Variants in TRDN observed in about 807,000 individuals in gnomAD.
TRDN encodes the protein triadin in skeletal muscle.
In TRDN, 161 loss-of-function variants were observed where a neutral mutation model predicts 149.7. The ratio of observed to expected loss-of-function variants is 1.08; its 90% CI spans 0.95 to 1.23. The LOEUF (loss-of-function observed/expected upper bound fraction) is 1.23. Among genes scored for constraint, TRDN ranks in the 50% most tolerant of loss-of-function variants. TRDN has a pLI of 0.00. For synonymous variants in TRDN, 294 were observed against 250.5 expected, an observed-to-expected ratio of 1.17 and a Z score of -1.64; for missense variants, 896 against 823.5, an observed-to-expected ratio of 1.09 and a Z score of -1.08.
At chr6:123,599,755 A>T (rs1784197367) in intron 1 of TRDN, among the ~76,000 whole-genome samples, 1 of 151,952 alleles carries the variant, frequency 6.6e-6, no homozygotes, top group Admixed American at 6.6e-5. Flanking sequence ...AAATCTTTTT[A>T]GTATTATGCA....
chr6:123,344,600 T>G (rs1780186963), intron 21 of TRDN, among the ~76,000 whole-genome samples: 1 of 152,090 alleles, frequency 6.6e-6, no homozygotes, highest in African/African-American at 2.4e-5. Flanking sequence ...TTTTTATGGC[T>G]TGACAGCTCA....
rs191983653 is a variant in TRDN, at chr6:123,239,443, G to A, written c.1975+12969C>T. 3.6e-3 allele frequency among the ~76,000 whole-genome samples: 547 copies of A among 152,154 alleles called. 4 individuals are homozygous for A. Among genetic ancestry groups the A allele is most frequent in the African/African-American group, 0.013 (524 of 41,538 alleles). On this transcript the variant is annotated intron_variant, in intron 38 of 40. Transcript: ENST00000334268. ...TATAGAATTGTGCTTTCAACCATTAGCAAAGACACAATCTTCTCAATCATA... is the reference window on the plus strand; with the variant it reads ...TATAGAATTGTGCTTTCAACCATTAACAAAGACACAATCTTCTCAATCATA...
intron 38 of TRDN, among the ~76,000 whole-genome samples, chr6:123,233,358 A>C (rs1456991711): frequency 1.3e-5 from 2 of 152,098 alleles, no homozygotes; most frequent in African/African-American, 4.8e-5. Flanking sequence ...AGATTCTTAA[A>C]ATTGACTCTA....
chr6:123,485,268 C>A (rs1025733843), intron 9 of TRDN, among the ~76,000 whole-genome samples: 9 of 152,168 alleles, frequency 5.9e-5, no homozygotes, highest in African/African-American at 2.2e-4. Flanking sequence ...GCTTCTGTCT[C>A]TAGAGATATA....
chr6:123,544,737 GAACT>G (rs1249302751), intron 4 of TRDN, among the ~76,000 whole-genome samples: 2 of 151,944 alleles, frequency 1.3e-5, no homozygotes, highest in Admixed American at 1.3e-4. Context: ...TTTAGTAATA[GAACT>G]TAGTATTTTA....
chr6:123,295,187 T>C (rs1168159834), intron 24 of TRDN, among the ~76,000 whole-genome samples: 1 of 152,148 alleles, frequency 6.6e-6, no homozygotes, highest in Non-Finnish European at 1.5e-5. Flanking sequence ...CAGGAGTTAC[T>C]GCCCCCTTCC....
intron 38 of TRDN, among the ~76,000 whole-genome samples, chr6:123,241,108 CATT>C (rs899403424): frequency 2.6e-5 from 4 of 151,772 alleles, no homozygotes; most frequent in Admixed American, 2.0e-4. Flanking sequence ...TTAATAGTAA[CATT>C]ATTATTTGAC....
intron 24 of TRDN, among the ~76,000 whole-genome samples, chr6:123,312,158 T>C (rs1038176874): frequency 3.9e-5 from 6 of 151,962 alleles, no homozygotes; most frequent in Non-Finnish European, 8.8e-5. Flanking sequence ...GAAGCATTGC[T>C]TCAGTAAAGT....
chr6:123,520,175 A>T (rs1362166880), intron 5 of TRDN, among the ~76,000 whole-genome samples: 4 of 152,154 alleles, frequency 2.6e-5, no homozygotes, highest in African/African-American at 9.6e-5. Flanking sequence ...TTTTTAAGAG[A>T]AAATCATGAA....
At chr6:123,620,471 T>C (rs1785325490) in intron 1 of TRDN, among the ~76,000 whole-genome samples, 1 of 152,160 alleles carries the variant, frequency 6.6e-6, no homozygotes, top group Admixed American at 6.6e-5. Context: ...CATTCATACA[T>C]TTTGACCCAA....
rs573492944 is a variant in TRDN at position 123,565,916 on chromosome 6, C to T, written c.232+5007G>A. Among the ~76,000 whole-genome samples, 322 of 152,248 alleles carry T rather than the reference C, an allele frequency of 2.1e-3. 1 individual carries two copies. The highest frequency in any genetic ancestry group is 3.6e-3 in the Non-Finnish European group (245 of 68,008). The stretch of plus-strand genomic sequence containing the variant: ...TTGTTCTTGTCAGTTTCAGTTTGTC[C>T]CAAGTCCCTCCCATTCTATCCATCT... On this transcript the variant is annotated intron_variant, in intron 2 of 40. Transcript: ENST00000334268.
Position 123,632,089 on chromosome 6 carries a change from C to T in TRDN, c.22+4665G>A, listed in dbSNP as rs547507690. ...TGAATCATGATCCAACCATTCCATA[C>T]ATTGTGATGGGTTGCTAACTTTTTA... On this transcript the variant is annotated intron_variant, in intron 1 of 40. Transcript: ENST00000334268. Among the ~76,000 whole-genome samples the T allele has an allele frequency of 8.5e-5, 13 of 152,162 alleles. No individual in the cohort carries two copies. The South Asian group carries it at 1.5e-3, about 17-fold the overall frequency.
intron 26 of TRDN, 90 bp from the exon 27 acceptor site, chr6:123,274,760 A>G (rs1400067501): frequency 3.1e-6 from 4 of 1,291,604 alleles, no homozygotes; most frequent in East Asian, 2.6e-5. Flanking sequence ...TTTGGTTATC[A>G]TAATTGGGAG....
At chr6:123,373,635 C>A (rs1410987688) in intron 19 of TRDN, among the ~76,000 whole-genome samples, 3 of 152,200 alleles carry the variant, frequency 2.0e-5, no homozygotes, top group South Asian at 4.1e-4. Flanking sequence ...GTCTTAATGA[C>A]AAATCCCCTT....
rs558952808 is a variant in TRDN, at chr6:123,607,851, C to CT, written c.22+28902dup. Among the ~76,000 whole-genome samples, 596 of 130,472 alleles carry CT rather than the reference C, an allele frequency of 4.6e-3. 3 individuals are homozygous for CT. Among genetic ancestry groups the CT allele is most frequent in the African/African-American group, 8.9e-3 (326 of 36,450 alleles). The allele number at this position is 130,472 out of a possible 152,430, so 85.6% of individuals were successfully genotyped here. ...TCAGATTTATGCTTTCTCTTTTAGT[C>CT]TTTTTTTTTTTTTTTTTAATTAGAG... On this transcript the variant is annotated intron_variant, in intron 1 of 40. Transcript: ENST00000334268.
chr6:123,347,753 T>G (rs575537869), intron 21 of TRDN, among the ~76,000 whole-genome samples: 1 of 152,138 alleles, frequency 6.6e-6, no homozygotes, highest in African/African-American at 2.4e-5. Flanking sequence ...ATATTAGAGA[T>G]GGAAGGTCCT....
At chr6:123,403,906 G>A (rs140239767) in intron 12 of TRDN, among the ~76,000 whole-genome samples, 3 of 152,066 alleles carry the variant, frequency 2.0e-5, no homozygotes, top group Admixed American at 6.5e-5. Context: ...GTTGAAGGGA[G>A]GAAAATGGGA....
intron 23 of TRDN, among the ~76,000 whole-genome samples, chr6:123,318,850 A>C (rs1488723410): frequency 6.6e-6 from 1 of 152,082 alleles, no homozygotes; most frequent in Non-Finnish European, 1.5e-5. Context: ...GATCTTGTAC[A>C]CAGAATTTTG....
In TRDN at chr6:123,530,720, A is replaced by T. The variant is rs4897276; in HGVS notation, c.425-155T>A. Among the ~76,000 whole-genome samples, 86,007 of 151,596 alleles carry T rather than the reference A, an allele frequency of 0.57. 25,258 individuals are homozygous for T. Among genetic ancestry groups the T allele is most frequent in the Non-Finnish European group, 0.65 (44,055 of 67,758 alleles). On this transcript the variant is annotated intron_variant, in intron 4 of 40. Transcript: ENST00000334268. ...GAGTCTAAAAGAGTCTTTGTAACATATTGCTAAACAAATCACTTATTTATT... is the reference window on the plus strand; with the variant it reads ...GAGTCTAAAAGAGTCTTTGTAACATTTTGCTAAACAAATCACTTATTTATT...
Sources: gnomAD v4.1 joint callset for allele counts (sites outside exome capture counted in the v4.1 genomes callset) on GRCh38, gnomAD v4.1.1 for gene constraint, MANE v1.5 for transcripts, NCBI Gene and HGNC (gene_info 2026-07-23, HGNC 2026-07-21) for gene names.